FMO1: variants seen among roughly 807,000 people sequenced by gnomAD.
The protein encoded by FMO1 is flavin containing dimethylaniline monoxygenase 1, also known as flavin-containing monooxygenase 1.
FMO1 carries 36 observed loss-of-function variants against 45.4 expected under a neutral mutation model. The ratio of observed to expected loss-of-function variants is 0.79; its 90% confidence interval spans 0.61 to 1.05. The LOEUF (loss-of-function observed/expected upper bound fraction) is 1.05. Among genes scored for constraint, FMO1 ranks in the 50% least tolerant of loss-of-function variants. The pLI is 0.00. For missense variants in FMO1, 615 were observed against 640.3 expected (o/e 0.96, Z 0.43); for synonymous variants, 228 against 227.2 (o/e 1.00, Z -0.03).
At position 171,258,130 on chromosome 1, in the gene FMO1, C is replaced by T; in HGVS notation, c.43C>T (p.Leu15=). Residue 15 remains leucine, a synonymous_variant, in exon 2 of 9, where the codon CTG becomes TTG. Transcript: ENST00000617670. The part of the protein sequence containing the change: ...VAIVGAGVSG[L]ASIKCCLEEG... ...CATTGTGGGAGCTGGGGTCAGCGGC[C>T]TGGCCTCCATCAAGTGCTGTCTGGA... 1 of 1,614,206 alleles carries T rather than the reference C, an allele frequency of 6.2e-7. No homozygotes were observed. Among genetic ancestry groups the T allele is most frequent in the South Asian group, 1.1e-5 (1 of 91,092 alleles).
chr1:171,269,361 A>G (rs1002331401), intron 3 of FMO1, among the ~76,000 whole-genome samples: 23 of 152,302 alleles, frequency 1.5e-4, no homozygotes, highest in African/African-American at 5.1e-4. Flanking sequence ...TAGTGATATG[A>G]ACAATAAAGT....
chr1:171,259,812 T>C (rs1350385339), intron 2 of FMO1, among the ~76,000 whole-genome samples: 1 of 152,178 alleles, frequency 6.6e-6, no homozygotes, highest in Non-Finnish European at 1.5e-5. Context: ...TTTCCAGCTG[T>C]GTGATGCAGG....
In FMO1 at chr1:171,281,077, T is replaced by C. The variant is rs16864312; in HGVS notation, c.827+92T>C. 7.6e-3 allele frequency: 7,361 copies of C among 962,386 alleles called. 305 individuals are homozygous for C. The African/African-American group carries it at 0.097, about 13-fold the overall frequency. 59.6% of individuals were successfully genotyped at this position (962,386 alleles called of 1,614,324 possible). A position where few individuals can be genotyped will look rare whatever the true frequency, so the allele number is the denominator to read the frequency against. On this transcript the variant is annotated intron_variant, in intron 6 of 8. Coordinates refer to ENST00000617670, the MANE Select transcript of FMO1 (RefSeq NM_001282693.2). ...CAAGCCAGGCAGTACCACAGCAACA[T>C]GGCTGAATGTGTGGGAACACTTGAT...
In FMO1 at chr1:171,271,098, A is replaced by T; in HGVS notation, c.321+3367A>T. The T allele has an allele frequency of 3.4e-6, 3 of 885,022 alleles. 1 individual carries two copies. The South Asian group carries it at 4.1e-5, about 12-fold the overall frequency. The allele number at this position is 885,022 out of a possible 1,614,324, so 54.8% of individuals were successfully genotyped here. A position where few individuals can be genotyped will look rare whatever the true frequency, so the allele number is the denominator to read the frequency against. ...TTTTTGCTGCATCAGGCTTCCCTTT[A>T]GCTCAATATGCAGCAATATCCTTTT... On this transcript the variant is annotated intron_variant, in intron 3 of 8. Coordinates refer to ENST00000617670, the MANE Select transcript of FMO1 (RefSeq NM_001282693.2).
intron 3 of FMO1, among the ~76,000 whole-genome samples, chr1:171,274,865 C>G (rs1023276710): frequency 1.3e-5 from 2 of 152,208 alleles, no homozygotes; most frequent in Admixed American, 1.3e-4. Context: ...AATGTTAGCA[C>G]TTTTCAATTG....
At chr1:171,255,671 C>T (rs935793162) in intron 1 of FMO1, among the ~76,000 whole-genome samples, 13 of 152,160 alleles carry the variant, frequency 8.5e-5, no homozygotes, top group African/African-American at 4.8e-5. Context: ...TCCAGGCCCC[C>T]CTCTACTGGC....
chr1:171,250,032 T>C (rs549991507), intron 1 of FMO1, among the ~76,000 whole-genome samples: 2 of 152,348 alleles, frequency 1.3e-5, no homozygotes, highest in South Asian at 4.1e-4. Flanking sequence ...CCCCAGACCA[T>C]AGTTTCTCCT....
At chr1:171,249,091 G>C (rs1659762319) in intron 1 of FMO1, among the ~76,000 whole-genome samples, 1 of 151,836 alleles carries the variant, frequency 6.6e-6, no homozygotes, top group South Asian at 2.1e-4. Flanking sequence ...AGCCCCTTTA[G>C]AATTTGACTA....
At chr1:171,277,526 G>C (rs1317682879) in intron 4 of FMO1, among the ~76,000 whole-genome samples, 1 of 152,082 alleles carries the variant, frequency 6.6e-6, no homozygotes, top group Non-Finnish European at 1.5e-5. Context: ...CTTTCTGTGA[G>C]ATAAGAGAAA....
intron 2 of FMO1, among the ~76,000 whole-genome samples, 165 bp downstream of exon 2, chr1:171,258,384 A>G (rs1255245266): frequency 6.6e-6 from 1 of 152,216 alleles, no homozygotes. Context: ...AAGAAACAGG[A>G]CATGGGTGAG....
In FMO1 at chr1:171,285,771, G is replaced by C. The variant is rs1661604107; in HGVS notation, c.*227G>C. ...TAAGACTTCTGTGCATTTGAAGGTTGTTGGAAAGTTACAGGTTCATTTTAG... is the reference window on the plus strand; with the variant it reads ...TAAGACTTCTGTGCATTTGAAGGTTCTTGGAAAGTTACAGGTTCATTTTAG... On this transcript the variant is annotated 3_prime_UTR_variant, in exon 9 of 9. Coordinates refer to ENST00000617670, the MANE Select transcript of FMO1 (RefSeq NM_001282693.2). 1 of 355,628 alleles carries C rather than the reference G, an allele frequency of 2.8e-6. No individual in the cohort carries two copies. The highest frequency in any genetic ancestry group is 4.2e-5 in the East Asian group (1 of 24,018). The allele number at this position is 355,628 out of a possible 1,614,324, so 22.0% of individuals were successfully genotyped here. A position where few individuals can be genotyped will look rare whatever the true frequency, so the allele number is the denominator to read the frequency against.
rs754943023 is a variant in FMO1, at chr1:171,258,072, C to T, written c.-6-10C>T. On this transcript the variant is annotated splice_polypyrimidine_tract_variant and intron_variant, in intron 1 of 8. Coordinates refer to ENST00000617670, the MANE Select transcript of FMO1 (RefSeq NM_001282693.2). ...GTGAATAAAAAGCCTGCTTCATCTT[C>T]CTCATGCAGGAGAACATGGCCAAGC... 2 of 1,614,000 alleles carry T rather than the reference C, an allele frequency of 1.2e-6. No individual in the cohort carries two copies. The highest frequency in any genetic ancestry group is 1.1e-5 in the South Asian group (1 of 91,082).
intron 3 of FMO1, among the ~76,000 whole-genome samples, chr1:171,274,287 G>T (rs1282539666): frequency 1.1e-4 from 17 of 150,146 alleles, no homozygotes; most frequent in East Asian, 1.9e-4. Flanking sequence ...TTGAGACAAG[G>T]TCTCACTCTG....
At chr1:171,277,460 A>T (rs953877424) in intron 4 of FMO1, among the ~76,000 whole-genome samples, 3 of 152,044 alleles carry the variant, frequency 2.0e-5, no homozygotes, top group African/African-American at 7.2e-5. Flanking sequence ...CTTAGATAGG[A>T]CATTCTGCTA....
chr1:171,253,844 T>C (rs1053392313), intron 1 of FMO1: 3 of 152,160 alleles, frequency 2.0e-5, no homozygotes, highest in African/African-American at 7.2e-5. Context: ...AGCTGAGGTA[T>C]GGTGGTGGCC....
Position 171,275,336 on chromosome 1 carries a change from C to CT in FMO1, c.322-4dup, listed in dbSNP as rs1661063175. 2 of 1,611,986 alleles carry CT rather than the reference C, an allele frequency of 1.2e-6. No homozygotes were observed. Among genetic ancestry groups the CT allele is most frequent in the Admixed American group, 1.7e-5 (1 of 59,778 alleles). Reference sequence around the variant, plus strand: ...ACAACTGCTAATCATATCTGTGATTCTTTTTTCAGACCAAAGTCTGCAGTG... The same window carrying CT: ...ACAACTGCTAATCATATCTGTGATTCTTTTTTTCAGACCAAAGTCTGCAGTG... On this transcript the variant is annotated splice_polypyrimidine_tract_variant and intron_variant, in intron 3 of 8. Coordinates refer to ENST00000617670, the MANE Select transcript of FMO1 (RefSeq NM_001282693.2).
At position 171,267,607 on chromosome 1, in the gene FMO1, T is replaced by A. The variant is rs752430187; in HGVS notation, c.197T>A (p.Met66Lys). ...KSVVSNSCKE[M>K]SCYSDFPFPE... The stretch of plus-strand genomic sequence containing the variant: ...GTGGTTTCCAACAGCTGCAAGGAGA[T>A]GTCTTGTTACTCAGACTTTCCATTC... The change falls in exon 3 of 9, where the codon ATG becomes AAG. Residue 66 changes from methionine (M) to lysine (K), a missense_variant. Physicochemically the swap from Met to Lys is moderately conservative, Grantham distance 95. Coordinates refer to ENST00000617670, the MANE Select transcript of FMO1 (RefSeq NM_001282693.2). 21 of 1,613,902 alleles carry A rather than the reference T, an allele frequency of 1.3e-5. No homozygotes were observed. In the East Asian group the frequency reaches 4.5e-4, roughly 34 times the overall value.
chr1:171,262,155 C>T (rs1660403608), intron 2 of FMO1, among the ~76,000 whole-genome samples: 1 of 152,186 alleles, frequency 6.6e-6, no homozygotes, highest in South Asian at 2.1e-4. Context: ...AGAAGGTCAG[C>T]CAGGCACAGT....
intron 7 of FMO1, 62 bp downstream of exon 7, chr1:171,282,395 A>T: frequency 9.5e-7 from 1 of 1,055,912 alleles, no homozygotes; most frequent in Non-Finnish European, 1.4e-6. Flanking sequence ...GGATACTGGA[A>T]ATGTTGAGAC....
Sources: gnomAD v4.1 joint callset for allele counts (sites outside exome capture counted in the v4.1 genomes callset) on GRCh38, gnomAD v4.1.1 for gene constraint, MANE v1.5 for transcripts, NCBI Gene and HGNC (gene_info 2026-07-23, HGNC 2026-07-21) for gene names.